MYO1C: variants seen among roughly 807,000 people sequenced by gnomAD.
MYO1C encodes unconventional myosin-Ic.
In MYO1C, 104 loss-of-function variants were observed where a neutral mutation model predicts 150.8. The observed-to-expected ratio is 0.69, with a 90% CI of 0.59 to 0.81. The LOEUF (loss-of-function observed/expected upper bound fraction) is 0.81, where lower values mean the gene tolerates loss of function less well. MYO1C is among the 30% of genes least tolerant of loss of function. MYO1C has a pLI of 0.00. For synonymous variants in MYO1C, 663 were observed against 579.9 expected (o/e 1.14, Z -2.06); for missense variants, 1,504 against 1,435.0 (o/e 1.05, Z -0.78).
chr17:1,474,497 T>C, intron 17 of MYO1C, 113 bp downstream of exon 17: 1 of 1,067,084 alleles, frequency 9.4e-7, no homozygotes, highest in Non-Finnish European at 1.4e-6. Context: ...CACCTGCAGA[T>C]GTGCACGGGC....
chr17:1,465,623 G>A lies in MYO1C; in HGVS notation c.*103C>T. On this transcript the variant is annotated 3_prime_UTR_variant, in exon 32 of 32. Coordinates refer to ENST00000648651, the MANE Select transcript of MYO1C (RefSeq NM_001080779.2). ...GGAGATTGCAGGTGGGCTTCGGGGT[G>A]TCCCTGGGTCCCTGTCTGGAAGTTC... The A allele has an allele frequency of 1.5e-5, 18 of 1,194,152 alleles. No individual in the cohort carries two copies. The highest frequency in any genetic ancestry group is 2.9e-5 in the East Asian group (1 of 34,990). 74.0% of individuals were successfully genotyped at this position (1,194,152 alleles called of 1,614,324 possible). A position where few individuals can be genotyped will look rare whatever the true frequency, so the allele number is the denominator to read the frequency against.
At chr17:1,481,912 C>T (rs2074530973) in intron 5 of MYO1C, among the ~76,000 whole-genome samples, 1 of 151,990 alleles carries the variant, frequency 6.6e-6, no homozygotes, top group African/African-American at 2.4e-5. Context: ...CTGCTCTCTT[C>T]TCTGGCCGCT....
chr17:1,481,507 A>AT (rs2074518987), intron 5 of MYO1C, among the ~76,000 whole-genome samples: 2 of 151,574 alleles, frequency 1.3e-5, no homozygotes, highest in Admixed American at 6.6e-5. Context: ...TCATTTTTTT[A>AT]TTTTTTATTT....
At chr17:1,468,954 A>G (rs2074238534) in intron 25 of MYO1C, 2 of 297,422 alleles carry the variant, frequency 6.7e-6, no homozygotes, top group Non-Finnish European at 1.3e-5. Context: ...AGACTTTTCA[A>G]CACAGGGTTC....
At chr17:1,492,390 C>T in intron 1 of MYO1C, 23 bp downstream of exon 1, 1 of 1,589,884 alleles carries the variant, frequency 6.3e-7, no homozygotes, top group Non-Finnish European at 8.6e-7. Context: ...ACCCTCCTCC[C>T]AGCCCAGAGC....
At chr17:1,492,036 T>C in intron 1 of MYO1C, 1 of 326,608 alleles carries the variant, frequency 3.1e-6, no homozygotes, top group South Asian at 2.7e-5. Context: ...CTGTTCTGAG[T>C]CTTGGGCGGT....
intron 1 of MYO1C, among the ~76,000 whole-genome samples, chr17:1,491,447 A>T (rs1481375562): frequency 9.3e-5 from 5 of 54,016 alleles, no homozygotes; most frequent in South Asian, 7.1e-4. Flanking sequence ...GGGTCGTGGG[A>T]CCCCCCCCCC....
Position 1,480,566 on chromosome 17 carries a change from C to T in MYO1C, c.867G>A (p.Lys289=), listed in dbSNP as rs200873831. 2.5e-5 allele frequency: 40 copies of T among 1,614,208 alleles called. No homozygotes were observed. In the East Asian group the frequency reaches 8.9e-4, roughly 36 times the overall value. The change falls in exon 7 of 32, where the codon AAG becomes AAA. Residue 289 remains lysine, a synonymous_variant. Transcript: ENST00000648651. The part of the protein sequence containing the change: ...NDKSDWKVVR[K]ALTVIDFTED... ...CGGTGAAATCAATGACTGTCAGAGC[C>T]TTCCTGACGACCTTCCAGTCACTCT...
chr17:1,490,226 G>A lies in MYO1C; in HGVS notation c.75+2187C>T, dbSNP rs567498688. On this transcript the variant is annotated intron_variant, in intron 1 of 31. Coordinates refer to ENST00000648651, the MANE Select transcript of MYO1C (RefSeq NM_001080779.2). Reference sequence around the variant, plus strand: ...AAAACCTCACCTCCAGGCCGGGCGCGGTGGCTCAGGCCTGTAATCCCAGCA... The same window carrying A: ...AAAACCTCACCTCCAGGCCGGGCGCAGTGGCTCAGGCCTGTAATCCCAGCA... Among the ~76,000 whole-genome samples the A allele has an allele frequency of 1.8e-4, 27 of 151,744 alleles. 1 individual carries two copies. In the South Asian group the frequency reaches 3.3e-3, roughly 19 times the overall value.
intron 1 of MYO1C, chr17:1,485,030 G>T: frequency 1.9e-6 from 2 of 1,079,114 alleles, no homozygotes; most frequent in Non-Finnish European, 2.5e-6. Context: ...CCCTCGCATG[G>T]CTGGGGCCAC....
Position 1,484,134 on chromosome 17 carries a change from C to T in MYO1C, c.231+14G>A, listed in dbSNP as rs770421960. 9 of 1,612,364 alleles carry T rather than the reference C, an allele frequency of 5.6e-6. No individual in the cohort carries two copies. In the Admixed American group the frequency reaches 1.3e-4, roughly 24 times the overall value. On this transcript the variant is annotated intron_variant, in intron 2 of 31. Coordinates refer to ENST00000648651, the MANE Select transcript of MYO1C (RefSeq NM_001080779.2). The stretch of plus-strand genomic sequence containing the variant: ...GACCCCAGCACCCCTGCCATCTCCC[C>T]ACAAGGGCCTCACGTAGATGAGATT...
At chr17:1,483,749 A>G (rs747761010) in intron 2 of MYO1C, 24 bp from the exon 3 acceptor site, 10 of 1,569,714 alleles carry the variant, frequency 6.4e-6, no homozygotes, top group Non-Finnish European at 7.8e-6. Flanking sequence ...AAGAGGGTCC[A>G]AAGTTTATCC....
Position 1,478,810 on chromosome 17 carries a change from G to C in MYO1C, c.1093-75C>G, listed in dbSNP as rs2074454259. 2.5e-6 allele frequency: 4 copies of C among 1,600,224 alleles called. No individual in the cohort carries two copies. The highest frequency in any genetic ancestry group is 3.4e-6 in the Non-Finnish European group (4 of 1,178,226). On this transcript the variant is annotated intron_variant, in intron 9 of 31. Coordinates refer to ENST00000648651, the MANE Select transcript of MYO1C (RefSeq NM_001080779.2). This position sits in a 1 kb window ranked among gnomAD's most constrained non-coding sequence, Gnocchi z 6.3. ...TCCCACCTGCTCCCAGGCTCAGGCA[G>C]ACCAGGAAGCCGCCACCACTCTGCA...
intron 31 of MYO1C, among the ~76,000 whole-genome samples, chr17:1,466,530 G>T (rs1032130142): frequency 2.6e-5 from 4 of 151,750 alleles, no homozygotes; most frequent in African/African-American, 7.3e-5. Flanking sequence ...GGTTTCTCCA[G>T]TTGGTCAGGC....
intron 1 of MYO1C, chr17:1,491,991 C>A: frequency 4.6e-6 from 1 of 215,860 alleles, no homozygotes. Flanking sequence ...TTTCTACCCA[C>A]CCGTGACCCT....
At chr17:1,488,328 C>T (rs898372166) in intron 1 of MYO1C, among the ~76,000 whole-genome samples, 3 of 152,202 alleles carry the variant, frequency 2.0e-5, no homozygotes, top group Non-Finnish European at 4.4e-5. Flanking sequence ...TCGCGGGCCC[C>T]AGGGCGGCTC....
At position 1,478,791 on chromosome 17, in the gene MYO1C, C is replaced by T; in HGVS notation, c.1093-56G>A. ...ATGCCACAGAGCCTGTGCATCCCAC[C>T]TGCTCCCAGGCTCAGGCAGACCAGG... On this transcript the variant is annotated intron_variant, in intron 9 of 31. Transcript: ENST00000648651. This position sits in a 1 kb window ranked among gnomAD's most constrained non-coding sequence, Gnocchi z 6.3. 1 of 1,607,224 alleles carries T rather than the reference C, an allele frequency of 6.2e-7. No individual in the cohort carries two copies. Among genetic ancestry groups the T allele is most frequent in the Non-Finnish European group, 8.5e-7 (1 of 1,179,786 alleles).
In MYO1C at chr17:1,467,246, G is replaced by A. The variant is rs370955949; in HGVS notation, c.3161C>T (p.Ala1054Val). 2 of 1,611,642 alleles carry A rather than the reference G, an allele frequency of 1.2e-6. No individual in the cohort carries two copies. The highest frequency in any genetic ancestry group is 2.7e-5 in the African/African-American group (2 of 74,906). The stretch of plus-strand genomic sequence containing the variant: ...GGGAAAGCAGGCCCCACTCACCACA[G>A]CCAGGTGCCCGTTCTTGGCCTTGGT... Reference protein sequence around the residue: ...LITKAKNGHLAVVAPRLNSR With the variant: ...LITKAKNGHLVVVAPRLNSR The change falls in exon 31 of 32, where the codon GCT becomes GTT. Residue 1054 changes from alanine (A) to valine (V), a missense_variant. Coordinates refer to ENST00000648651, the MANE Select transcript of MYO1C (RefSeq NM_001080779.2).
chr17:1,469,385 A>G, intron 25 of MYO1C, 146 bp downstream of exon 25: 1 of 767,584 alleles, frequency 1.3e-6, no homozygotes. Context: ...AGACCAGGGT[A>G]AATACGGTAG....
Sources: allele counts gnomAD v4.1 joint callset (sites outside exome capture counted in the v4.1 genomes callset), GRCh38; gene constraint gnomAD v4.1.1; non-coding constraint Gnocchi (gnomAD v3.1); transcripts MANE v1.5; gene names NCBI Gene and HGNC (gene_info 2026-07-23, HGNC 2026-07-21).